Variants in SYNE2 observed in about 807,000 individuals in gnomAD.
SYNE2 encodes the protein nesprin-2.
A neutral mutation model predicts 856.3 loss-of-function variants in SYNE2; 431 were observed. The ratio of observed to expected loss-of-function variants is 0.50; its 90% CI spans 0.47 to 0.55. The LOEUF is 0.55. SYNE2 is among the 20% of genes least tolerant of loss of function. The pLI is 0.00. For synonymous variants in SYNE2, 2,923 were observed against 2,872.3 expected (o/e 1.02, Z -0.56); for missense variants, 8,129 against 8,023.2 (o/e 1.01, Z -0.50).
intron 32 of SYNE2, among the ~76,000 whole-genome samples, chr14:64,010,775 A>C (rs1315062817): frequency 6.6e-6 from 1 of 152,030 alleles, no homozygotes; most frequent in Non-Finnish European, 1.5e-5. Context: ...AGTAGCTGGG[A>C]ATACAGGTGC....
Position 64,225,328 on chromosome 14 carries a change from C to G in SYNE2, c.20526C>G (p.Gly6842=). 6.2e-7 allele frequency: 1 copy of G among 1,614,140 alleles called. No individual in the cohort carries two copies. Among genetic ancestry groups the G allele is most frequent in the African/African-American group, 1.3e-5 (1 of 75,040 alleles). Reference sequence around the variant, plus strand: ...CCTCCTCTGTTGGCAGGGTCCCCGGCAGCACACGGCCACAGCGCTCCTTCC... The same window carrying G: ...CCTCCTCTGTTGGCAGGGTCCCCGGGAGCACACGGCCACAGCGCTCCTTCC... ...GEEETESRVP[G]STRPQRSFLS... Residue 6842 remains glycine (G), a synonymous_variant, in exon 116 of 116, where the codon GGC becomes GGG. Transcript: ENST00000555002.
intron 108 of SYNE2, 159 bp from the exon 109 acceptor site, chr14:64,218,239 G>A (rs2098676131): frequency 1.5e-6 from 1 of 683,356 alleles, no homozygotes; most frequent in African/African-American, 1.8e-5. Context: ...GCTTATAAAT[G>A]CTACCTAGAC....
chr14:63,786,777 T>G (rs12897236), intron 1 of SYNE2, among the ~76,000 whole-genome samples: 1 of 151,932 alleles, frequency 6.6e-6, no homozygotes, highest in Non-Finnish European at 1.5e-5. Flanking sequence ...TTAAAAAAAG[T>G]TTTTTAGACA....
At chr14:64,019,937 C>A in intron 34 of SYNE2, 55 bp from the exon 35 acceptor site, 1 of 1,174,744 alleles carries the variant, frequency 8.5e-7, no homozygotes, top group South Asian at 1.2e-5. Context: ...TTATGGGTAT[C>A]AGAAAATAAG....
chr14:63,993,811 G>T (rs774362707), intron 21 of SYNE2, 24 bp from the exon 22 acceptor site: 63 of 1,550,570 alleles, frequency 4.1e-5, no homozygotes, highest in Non-Finnish European at 4.7e-5. Context: ...TTATGATTTT[G>T]TTTGCAATTT....
intron 110 of SYNE2, 53 bp downstream of exon 110, chr14:64,219,463 A>T: frequency 6.4e-7 from 1 of 1,571,920 alleles, no homozygotes; most frequent in Non-Finnish European, 8.7e-7. Flanking sequence ...ATGTGAACGC[A>T]TTGCTATGCT....
intron 95 of SYNE2, among the ~76,000 whole-genome samples, chr14:64,176,108 G>C (rs944373320): frequency 5.9e-5 from 9 of 152,182 alleles, no homozygotes; most frequent in Admixed American, 2.6e-4. Context: ...GCCAACCCAA[G>C]TATGTTTAGG....
intron 1 of SYNE2, among the ~76,000 whole-genome samples, chr14:63,889,686 T>C (rs1393764769): frequency 2.0e-5 from 3 of 152,074 alleles, no homozygotes; most frequent in South Asian, 2.1e-4. Flanking sequence ...CTATGTTGCC[T>C]GGGCTGGTGT....
At chr14:63,906,281 T>G (rs7150540) in intron 1 of SYNE2, among the ~76,000 whole-genome samples, 85,887 of 151,948 alleles carry the variant, frequency 0.57, 25,144 homozygotes, top group South Asian at 0.7. Context: ...TAGTTGTGTC[T>G]TTGCCAAATT....
intron 17 of SYNE2, among the ~76,000 whole-genome samples, 199 bp downstream of exon 17, chr14:63,982,993 C>A (rs904343500): frequency 6.6e-6 from 1 of 151,984 alleles, no homozygotes; most frequent in Non-Finnish European, 1.5e-5. Flanking sequence ...ACCCCCACCC[C>A]CTAAGCCCTA....
chr14:64,188,108 C>G (rs2098500967), intron 97 of SYNE2, among the ~76,000 whole-genome samples: 1 of 152,130 alleles, frequency 6.6e-6, no homozygotes, highest in Non-Finnish European at 1.5e-5. Flanking sequence ...TTTTCCTGGT[C>G]CATTTGCATT....
intron 46 of SYNE2, 182 bp from the exon 47 acceptor site, chr14:64,049,429 A>AAATAATAATAAT (rs71444641): frequency 0.015 from 2,624 of 169,650 alleles, 31 homozygotes; most frequent in African/African-American, 0.034. Flanking sequence ...CTGGGTGACA[A>AAATAATAATAAT]AATAATAATA....
intron 1 of SYNE2, among the ~76,000 whole-genome samples, chr14:63,844,739 T>A (rs552304163): frequency 5.5e-4 from 84 of 152,174 alleles, no homozygotes; most frequent in African/African-American, 1.9e-3. Flanking sequence ...AATTGGGAAG[T>A]TTTTCTTATT....
intron 1 of SYNE2, among the ~76,000 whole-genome samples, chr14:63,776,580 A>C (rs1887114287): frequency 6.7e-6 from 1 of 150,314 alleles, no homozygotes. Flanking sequence ...AAGACTGGGA[A>C]TTTCTTTTTT....
chr14:64,070,526 C>CT, intron 51 of SYNE2, 119 bp from the exon 52 acceptor site: 1 of 802,588 alleles, frequency 1.2e-6, no homozygotes, highest in Non-Finnish European at 2.0e-6. Flanking sequence ...GGAAAACAGA[C>CT]TAGGATATGG....
At chr14:64,184,210 C>G (rs1306212063) in intron 96 of SYNE2, among the ~76,000 whole-genome samples, 1 of 152,154 alleles carries the variant, frequency 6.6e-6, no homozygotes, top group Non-Finnish European at 1.5e-5. Flanking sequence ...TGAAAACTTG[C>G]TGTGCAGCAG....
intron 87 of SYNE2, among the ~76,000 whole-genome samples, chr14:64,160,151 C>T (rs568808302): frequency 1.7e-4 from 26 of 152,314 alleles, no homozygotes; most frequent in African/African-American, 6.0e-4. Flanking sequence ...GCCCTTAGCT[C>T]TTGATCCAGT....
chr14:64,150,593 T>C (rs972595837), intron 84 of SYNE2, among the ~76,000 whole-genome samples: 8 of 152,164 alleles, frequency 5.3e-5, no homozygotes, highest in African/African-American at 1.9e-4. Context: ...TTTGTCTGCT[T>C]TGTAGTCATT....
chr14:63,944,272 G>A (rs1358459107), intron 6 of SYNE2, among the ~76,000 whole-genome samples: 1 of 120,688 alleles, frequency 8.3e-6, no homozygotes, highest in Non-Finnish European at 1.6e-5. Flanking sequence ...ACAGCTTTCT[G>A]AATTTTTATA....
Sources: allele counts gnomAD v4.1 joint callset (sites outside exome capture counted in the v4.1 genomes callset), GRCh38; gene constraint gnomAD v4.1.1; transcripts MANE v1.5; gene names NCBI Gene and HGNC (gene_info 2026-07-23, HGNC 2026-07-21).